The following CACNA2D3 variants were observed in gnomAD, a reference collection of about 807,000 sequenced individuals.
The protein encoded by CACNA2D3 is calcium voltage-gated channel auxiliary subunit alpha2delta 3, also known as voltage-dependent calcium channel subunit alpha-2/delta-3.
A neutral mutation model predicts 160.6 loss-of-function variants in CACNA2D3; 60 were observed. The observed-to-expected ratio is 0.37, with a 90% CI of 0.30 to 0.46. The LOEUF (loss-of-function observed/expected upper bound fraction) is 0.46. Among genes scored for constraint, CACNA2D3 ranks in the 20% least tolerant of loss-of-function variants. The pLI is 1.00. For synonymous variants in CACNA2D3, 558 were observed against 492.9 expected, an observed-to-expected ratio of 1.13 and a Z score of -1.75; for missense variants, 1,205 against 1,365.0, an observed-to-expected ratio of 0.88 and a Z score of 1.85.
chr3:54,687,130 T>C (rs1700471167), intron 11 of CACNA2D3, among the ~76,000 whole-genome samples: 1 of 50,786 alleles, frequency 2.0e-5, no homozygotes, highest in Admixed American at 1.8e-4. Context: ...TCTTTTTTTT[T>C]TTTTGTTTTT....
chr3:54,611,660 T>G (rs924934028), intron 9 of CACNA2D3, among the ~76,000 whole-genome samples: 1 of 152,244 alleles, frequency 6.6e-6, no homozygotes, highest in Non-Finnish European at 1.5e-5. Flanking sequence ...CCAGTCTCTT[T>G]GCTGACTTGG....
intron 4 of CACNA2D3, among the ~76,000 whole-genome samples, chr3:54,409,439 C>T (rs1318802913): frequency 7.9e-5 from 12 of 152,156 alleles, no homozygotes; most frequent in African/African-American, 2.4e-4. Flanking sequence ...TTTCCTGAGA[C>T]ACAAGAATAT....
intron 11 of CACNA2D3, among the ~76,000 whole-genome samples, chr3:54,668,260 C>G (rs1389629149): frequency 1.3e-5 from 2 of 152,118 alleles, no homozygotes; most frequent in Admixed American, 6.5e-5. Flanking sequence ...TCTCTTTTCT[C>G]CACCCTGAGT....
At chr3:54,992,337 A>G (rs1281111634) in intron 31 of CACNA2D3, among the ~76,000 whole-genome samples, 1 of 152,196 alleles carries the variant, frequency 6.6e-6, no homozygotes, top group African/African-American at 2.4e-5. Context: ...ATGGAATGAT[A>G]TGTGAGTAAC....
chr3:54,584,680 G>A (rs1257712381), intron 9 of CACNA2D3, among the ~76,000 whole-genome samples: 3 of 152,224 alleles, frequency 2.0e-5, no homozygotes, highest in African/African-American at 7.2e-5. Context: ...TATTCAAAAG[G>A]TTATGCAAAC....
chr3:55,056,514 C>G (rs1704365070), intron 35 of CACNA2D3, among the ~76,000 whole-genome samples: 1 of 152,172 alleles, frequency 6.6e-6, no homozygotes, highest in Non-Finnish European at 1.5e-5. Flanking sequence ...CCCATCTTTA[C>G]TGCAGCACTT....
chr3:55,021,711 G>GTA (rs1396237866), intron 35 of CACNA2D3, among the ~76,000 whole-genome samples: 1 of 138,120 alleles, frequency 7.2e-6, no homozygotes, highest in Non-Finnish European at 1.5e-5. Flanking sequence ...ATATATATGT[G>GTA]TGTGTATATA....
rs552784611 is a variant in CACNA2D3 at position 54,293,903 on chromosome 3, A to G, written c.205-26539A>G. On this transcript the variant is annotated intron_variant, in intron 2 of 37. Transcript: ENST00000474759. ...TACACAACTCTGCATTTATCAAAAC[A>G]AATAAAATTGCACACCCAAAAGAGT... Among the ~76,000 whole-genome samples, 35 of 152,312 alleles carry G rather than the reference A, an allele frequency of 2.3e-4. 1 individual carries two copies. The South Asian group carries it at 7.3e-3, about 32-fold the overall frequency.
chr3:54,824,214 C>T (rs1479962494), intron 14 of CACNA2D3, among the ~76,000 whole-genome samples: 1 of 152,154 alleles, frequency 6.6e-6, no homozygotes, highest in African/African-American at 2.4e-5. Flanking sequence ...CTACCAAAGG[C>T]GATCTACCAA....
At chr3:54,662,990 G>C (rs897462049) in intron 11 of CACNA2D3, among the ~76,000 whole-genome samples, 2 of 152,204 alleles carry the variant, frequency 1.3e-5, no homozygotes, top group African/African-American at 4.8e-5. Context: ...GGAACCAAAT[G>C]AGCAATAGCA....
chr3:54,842,741 C>T (rs1236659570), intron 16 of CACNA2D3, among the ~76,000 whole-genome samples: 2 of 151,822 alleles, frequency 1.3e-5, no homozygotes, highest in Non-Finnish European at 2.9e-5. Context: ...TCTGGGATTA[C>T]AGGCACCCAC....
At chr3:54,591,567 G>GTTTTT (rs397755008) in intron 9 of CACNA2D3, among the ~76,000 whole-genome samples, 75 of 121,334 alleles carry the variant, frequency 6.2e-4, no homozygotes, top group East Asian at 2.7e-3. Context: ...GTTGAAAAAA[G>GTTTTT]TTTTTTTTTT....
At chr3:54,537,374 AAC>A (rs1249251131) in intron 5 of CACNA2D3, among the ~76,000 whole-genome samples, 2 of 152,032 alleles carry the variant, frequency 1.3e-5, no homozygotes, top group African/African-American at 2.4e-5. Context: ...AAATGCTTCA[AAC>A]ACACGTACCC....
At chr3:54,342,311 G>A (rs1228605240) in intron 3 of CACNA2D3, among the ~76,000 whole-genome samples, 1 of 152,112 alleles carries the variant, frequency 6.6e-6, no homozygotes, top group East Asian at 1.9e-4. Context: ...GGCAGCTTCA[G>A]GATCAGAGAA....
chr3:55,007,138 C>A (rs1167683407), intron 32 of CACNA2D3, among the ~76,000 whole-genome samples: 3 of 152,098 alleles, frequency 2.0e-5, no homozygotes, highest in Non-Finnish European at 2.9e-5. Flanking sequence ...AGTAAACAAT[C>A]CAACTGCTTT....
At chr3:54,704,884 ACCCCCCACC>A (rs1394640616) in intron 11 of CACNA2D3, among the ~76,000 whole-genome samples, 1 of 151,502 alleles carries the variant, frequency 6.6e-6, no homozygotes, top group Admixed American at 6.6e-5. Flanking sequence ...GAGATTCTCT[ACCCCCCACC>A]CCCATTTCTA....
chr3:54,344,070 A>G (rs756654313), intron 3 of CACNA2D3, among the ~76,000 whole-genome samples: 3 of 152,176 alleles, frequency 2.0e-5, no homozygotes, highest in East Asian at 1.9e-4. Context: ...TTTTGCTGCA[A>G]ATTATCTCAC....
intron 2 of CACNA2D3, among the ~76,000 whole-genome samples, chr3:54,156,188 C>A (rs988833523): frequency 2.6e-5 from 4 of 152,082 alleles, no homozygotes; most frequent in Non-Finnish European, 5.9e-5. Context: ...GGCAAACCTG[C>A]GAATCACCAG....
chr3:54,347,340 G>C (rs1014868225), intron 3 of CACNA2D3, among the ~76,000 whole-genome samples: 19 of 152,212 alleles, frequency 1.2e-4, no homozygotes, highest in Non-Finnish European at 2.4e-4. Context: ...TGCTGGCATA[G>C]AGGTTTGAAG....
Sources: gnomAD v4.1 joint callset for allele counts (sites outside exome capture counted in the v4.1 genomes callset) on GRCh38, gnomAD v4.1.1 for gene constraint, MANE v1.5 for transcripts, NCBI Gene and HGNC (gene_info 2026-07-23, HGNC 2026-07-21) for gene names.